SLC16A7: variants seen among roughly 807,000 people sequenced by gnomAD.
The protein encoded by SLC16A7 is solute carrier family 16 member 7.
A neutral mutation model predicts 34.9 loss-of-function variants in SLC16A7; 33 were observed. That is an observed-to-expected ratio of 0.94 (90% CI 0.72 to 1.26). The LOEUF is 1.26. Ranked by LOEUF, SLC16A7 falls within the 50% of genes most tolerant of loss-of-function variation. The probability of loss-of-function intolerance (pLI) is 0.00; values close to 1 mark genes in which losing one functional copy is unlikely to be tolerated. For missense variants in SLC16A7, 573 were observed against 578.1 expected, an observed-to-expected ratio of 0.99 and a Z score of 0.09; for synonymous variants, 201 against 206.6, an observed-to-expected ratio of 0.97 and a Z score of 0.23.
chr12:59,623,736 A>T (rs1269595643), intron 1 of SLC16A7, among the ~76,000 whole-genome samples: 1 of 151,640 alleles, frequency 6.6e-6, no homozygotes, highest in Non-Finnish European at 1.5e-5. Context: ...AACCTCTTAC[A>T]TTCCATTTCT....
At chr12:59,610,903 A>C (rs1879163875) in intron 1 of SLC16A7, among the ~76,000 whole-genome samples, 1 of 152,230 alleles carries the variant, frequency 6.6e-6, no homozygotes, top group Non-Finnish European at 1.5e-5. Flanking sequence ...AGTACCATAG[A>C]CTGAGTGCTT....
chr12:59,684,296 G>A (rs934035190), intron 2 of SLC16A7, among the ~76,000 whole-genome samples: 2 of 152,298 alleles, frequency 1.3e-5, no homozygotes, highest in South Asian at 4.1e-4. Context: ...AAAGACAAAA[G>A]ACTTCATTAA....
rs116875427 is a variant in SLC16A7, at chr12:59,770,302, A to T, written c.218-917A>T. Among the ~76,000 whole-genome samples the T allele has an allele frequency of 4.1e-4, 62 of 152,216 alleles. No individual in the cohort carries two copies. The East Asian group carries it at 0.011, about 27-fold the overall frequency. On this transcript the variant is annotated intron_variant, in intron 3 of 5. Transcript: ENST00000547379. ...TTACTTTGGAGTCTGAGTTTTCAAC[A>T]TTCACATCTCACACCTAAGCTTATT...
At chr12:59,630,777 G>A in intron 1 of SLC16A7, among the ~76,000 whole-genome samples, 1 of 151,790 alleles carries the variant, frequency 6.6e-6, no homozygotes, top group East Asian at 1.9e-4. Flanking sequence ...ATCTTTCCAG[G>A]TGCTAAGGTG....
At chr12:59,597,862 C>CT (rs542210672) in intron 1 of SLC16A7, among the ~76,000 whole-genome samples, 6 of 152,164 alleles carry the variant, frequency 3.9e-5, no homozygotes, top group Non-Finnish European at 8.8e-5. Context: ...TTACATATTA[C>CT]TTTTTTCCCC....
chr12:59,726,148 A>G (rs11173124), intron 3 of SLC16A7, among the ~76,000 whole-genome samples: 40,197 of 151,852 alleles, frequency 0.26, 5,353 homozygotes, highest in East Asian at 0.31. Flanking sequence ...GTGATCAGTG[A>G]GTACACATCT....
chr12:59,754,159 G>T (rs1879970233), intron 3 of SLC16A7, among the ~76,000 whole-genome samples: 1 of 152,104 alleles, frequency 6.6e-6, no homozygotes, highest in African/African-American at 2.4e-5. Flanking sequence ...AAGCAGGAAA[G>T]ATCAAAAATT....
chr12:59,626,891 T>C (rs1879953435), intron 1 of SLC16A7, among the ~76,000 whole-genome samples: 1 of 151,900 alleles, frequency 6.6e-6, no homozygotes, highest in Admixed American at 6.6e-5. Flanking sequence ...CAACAGAATA[T>C]ATTGCATGTG....
rs1420708257 is a variant in SLC16A7, at chr12:59,779,441, C to A, written c.1199C>A (p.Thr400Asn). 2.5e-6 allele frequency: 4 copies of A among 1,594,780 alleles called. No homozygotes were observed. The South Asian group carries it at 4.5e-5, about 18-fold the overall frequency. The change falls in exon 6 of 6, where the codon ACT becomes AAT. Residue 400 changes from threonine (T) to asparagine (N), a missense_variant. Transcript: ENST00000547379. The part of the protein sequence containing the change: ...PPLAGKLVDL[T>N]GEYKYMYMSC... ...CTTCTAGGTAAATTGGTGGATTTAA[C>A]TGGAGAATATAAATACATGTACATG...
In SLC16A7 at chr12:59,787,333, G is replaced by C. The variant is rs1037469340; in HGVS notation, c.*7654G>C. ...TGAACATATGTTAATGAAATTATTA[G>C]AGTAAGTTCTATCTCAAAAATTTCT... On this transcript the variant is annotated 3_prime_UTR_variant, in exon 6 of 6. Coordinates refer to ENST00000547379, the MANE Select transcript of SLC16A7 (RefSeq NM_001270623.2). 6.6e-6 allele frequency: 1 copy of C among 152,066 alleles called. No individual in the cohort carries two copies. Among genetic ancestry groups the C allele is most frequent in the Non-Finnish European group, 1.5e-5 (1 of 67,994 alleles). The allele number at this position is 152,066 out of a possible 1,614,324, so 9.4% of individuals were successfully genotyped here. A position where few individuals can be genotyped will look rare whatever the true frequency, so the allele number is the denominator to read the frequency against.
chr12:59,762,034 A>G (rs1449957722), intron 3 of SLC16A7, among the ~76,000 whole-genome samples: 2 of 152,066 alleles, frequency 1.3e-5, no homozygotes, highest in East Asian at 3.8e-4. Flanking sequence ...TCATCAGGCT[A>G]CCACGATATA....
At position 59,761,066 on chromosome 12, in the gene SLC16A7, G is replaced by A. The variant is rs187025376; in HGVS notation, c.218-10153G>A. On this transcript the variant is annotated intron_variant, in intron 3 of 5. Transcript: ENST00000547379. ...ATACTTTAAATATTTAAAAAATCAC[G>A]TCTTGACAATATGATATTTAATTGA... The A allele has an allele frequency of 9.1e-4, 644 of 706,076 alleles. 5 individuals are homozygous for A. The highest frequency in any genetic ancestry group is 3.9e-3 in the South Asian group (252 of 65,360). The allele number at this position is 706,076 out of a possible 1,614,324, so 43.7% of individuals were successfully genotyped here.
intron 2 of SLC16A7, among the ~76,000 whole-genome samples, chr12:59,704,213 A>AAAAAAG (rs1873256662): frequency 2.0e-4 from 28 of 141,830 alleles, no homozygotes; most frequent in African/African-American, 7.6e-4. Flanking sequence ...AAAAAAAAAA[A>AAAAAAG]AAAAAGAAAA....
At chr12:59,646,887 C>G (rs1846297576) in intron 1 of SLC16A7, among the ~76,000 whole-genome samples, 1 of 152,172 alleles carries the variant, frequency 6.6e-6, no homozygotes, top group African/African-American at 2.4e-5. Flanking sequence ...AGTTTAATGA[C>G]TGTCCTACTG....
intron 3 of SLC16A7, among the ~76,000 whole-genome samples, chr12:59,727,139 A>G (rs1215458339): frequency 7.2e-6 from 1 of 139,674 alleles, no homozygotes; most frequent in Non-Finnish European, 1.5e-5. Flanking sequence ...ATCATTAAAA[A>G]TATGAGATGG....
intron 3 of SLC16A7, among the ~76,000 whole-genome samples, chr12:59,733,423 GGCAGC>G (rs936728827): frequency 6.6e-6 from 1 of 152,126 alleles, no homozygotes; most frequent in Non-Finnish European, 1.5e-5. Context: ...TTGTGGGGTG[GGCAGC>G]TCCAGGCGCT....
chr12:59,779,944 A>C lies in SLC16A7; in HGVS notation c.*265A>C. On this transcript the variant is annotated 3_prime_UTR_variant, in exon 6 of 6. Coordinates refer to ENST00000547379, the MANE Select transcript of SLC16A7 (RefSeq NM_001270623.2). The stretch of plus-strand genomic sequence containing the variant: ...TGACTCTGGGTGTGGTGGTTAAAAT[A>C]CTAATTTTAAAGTCTTCCAGTGACT... 1 of 299,800 alleles carries C rather than the reference A, an allele frequency of 3.3e-6. No individual in the cohort carries two copies. The highest frequency in any genetic ancestry group is 6.8e-5 in the East Asian group (1 of 14,626). The allele number at this position is 299,800 out of a possible 1,614,324, so 18.6% of individuals were successfully genotyped here.
At chr12:59,663,697 A>G (rs760099407) in intron 2 of SLC16A7, among the ~76,000 whole-genome samples, 3 of 152,096 alleles carry the variant, frequency 2.0e-5, no homozygotes, top group Non-Finnish European at 4.4e-5. Context: ...CTGATTTTGT[A>G]CTAGGTAAAA....
In SLC16A7 at chr12:59,779,680, C is replaced by T; in HGVS notation, c.*1C>T. 1.2e-6 allele frequency: 2 copies of T among 1,602,918 alleles called. No homozygotes were observed. The highest frequency in any genetic ancestry group is 1.7e-6 in the Non-Finnish European group (2 of 1,173,378). On this transcript the variant is annotated 3_prime_UTR_variant, in exon 6 of 6. Coordinates refer to ENST00000547379, the MANE Select transcript of SLC16A7 (RefSeq NM_001270623.2). ...CTCAGAAAGAGAAACTAACATTTAA[C>T]AAGAATCACATCTCTGATTTCAGTG...
Sources: allele counts gnomAD v4.1 joint callset (sites outside exome capture counted in the v4.1 genomes callset), GRCh38; gene constraint gnomAD v4.1.1; transcripts MANE v1.5; gene names NCBI Gene and HGNC (gene_info 2026-07-23, HGNC 2026-07-21).